Variants in ORC4 observed in about 807,000 individuals in gnomAD.
ORC4 encodes origin recognition complex, subunit 4 homolog.
Under a neutral mutation model 63.9 loss-of-function variants are expected in ORC4, and 55 were observed. The observed-to-expected ratio is 0.86, with a 90% CI of 0.69 to 1.08. The LOEUF is 1.08. ORC4 is among the 50% of genes least tolerant of loss of function. ORC4 has a pLI of 0.00. For missense variants in ORC4, 511 were observed against 504.4 expected (o/e 1.01, Z -0.13); for synonymous variants, 150 against 168.5 (o/e 0.89, Z 0.85).
At chr2:147,957,856 G>C (rs1198262914) in intron 6 of ORC4, among the ~76,000 whole-genome samples, 1 of 152,102 alleles carries the variant, frequency 6.6e-6, no homozygotes, top group Non-Finnish European at 1.5e-5. Context: ...GGCAGTCAAA[G>C]GGTTGTAAGG....
chr2:147,949,352 A>C (rs1016203396), intron 8 of ORC4, among the ~76,000 whole-genome samples: 6 of 152,136 alleles, frequency 3.9e-5, no homozygotes, highest in African/African-American at 1.4e-4. Context: ...ACACAAAACT[A>C]TACGTTGTAT....
intron 1 of ORC4, among the ~76,000 whole-genome samples, chr2:148,001,252 C>T (rs1182701514): frequency 6.6e-6 from 1 of 152,048 alleles, no homozygotes; most frequent in Non-Finnish European, 1.5e-5. Context: ...AAAACTTAAG[C>T]ATGTGTTCTT....
Position 147,940,421 on chromosome 2 carries a change from G to A in ORC4, c.850-1173C>T, listed in dbSNP as rs146933163. Reference sequence around the variant, plus strand: ...CCCACTACAGGGCATCTACCCAGAGGAAAAGAAGTTATTATTTGAAAAAGA... The same window carrying A: ...CCCACTACAGGGCATCTACCCAGAGAAAAAGAAGTTATTATTTGAAAAAGA... On this transcript the variant is annotated intron_variant, in intron 10 of 13. Coordinates refer to ENST00000392857, the MANE Select transcript of ORC4 (RefSeq NM_181741.4). 8.5e-5 allele frequency among the ~76,000 whole-genome samples: 13 copies of A among 152,106 alleles called. No individual in the cohort carries two copies. The East Asian group carries it at 2.1e-3, about 25-fold the overall frequency.
intron 6 of ORC4, among the ~76,000 whole-genome samples, chr2:147,957,704 G>A (rs986948443): frequency 3.9e-5 from 6 of 152,072 alleles, no homozygotes; most frequent in Non-Finnish European, 7.4e-5. Flanking sequence ...TTACCATCCA[G>A]CAAATTATTT....
intron 1 of ORC4, among the ~76,000 whole-genome samples, chr2:147,985,758 T>G: frequency 6.6e-6 from 1 of 152,172 alleles, no homozygotes; most frequent in Non-Finnish European, 1.5e-5. Context: ...CAGTCCTTCA[T>G]GTCAAATTTG....
chr2:147,943,499 C>T lies in ORC4; in HGVS notation c.786G>A (p.Val262=). Residue 262 remains valine, a synonymous_variant, in exon 10 of 14, where the codon GTG becomes GTA. Transcript: ENST00000392857. ...NVQYLSEDRS[V]QEVLQKHFNI... ...TGAAATGCTTCTGTAGTACTTCTTG[C>T]ACACTTCTATCTTCTGAGAGATACT... The T allele has an allele frequency of 6.4e-7, 1 of 1,554,858 alleles. No individual in the cohort carries two copies. The highest frequency in any genetic ancestry group is 8.9e-7 in the Non-Finnish European group (1 of 1,128,378).
intron 8 of ORC4, among the ~76,000 whole-genome samples, chr2:147,951,885 T>A (rs1230945335): frequency 6.6e-6 from 1 of 152,218 alleles, no homozygotes; most frequent in Non-Finnish European, 1.5e-5. Context: ...ATAGTTAAAA[T>A]CATTCTAAAA....
chr2:147,938,572 T>C, intron 11 of ORC4, 179 bp from the exon 12 acceptor site: 1 of 566,536 alleles, frequency 1.8e-6, no homozygotes, highest in Non-Finnish European at 3.1e-6. Flanking sequence ...TTAACCTCCC[T>C]GAGCTTAGTT....
intron 1 of ORC4, among the ~76,000 whole-genome samples, chr2:147,983,215 G>A (rs1012754805): frequency 2.0e-5 from 3 of 152,074 alleles, no homozygotes; most frequent in Non-Finnish European, 4.4e-5. Flanking sequence ...TTGCACTCTT[G>A]GGTACTTACC....
chr2:148,015,030 T>A (rs1363865758), intron 1 of ORC4, among the ~76,000 whole-genome samples: 1 of 151,168 alleles, frequency 6.6e-6, no homozygotes, highest in African/African-American at 2.4e-5. Flanking sequence ...GATCTAATAA[T>A]CTCGATGAAT....
At chr2:147,970,894 G>A (rs1296072525) in intron 4 of ORC4, among the ~76,000 whole-genome samples, 2 of 152,050 alleles carry the variant, frequency 1.3e-5, no homozygotes. Flanking sequence ...CAGCACTTTG[G>A]AAAGCTAAGG....
chr2:147,938,155 A>C lies in ORC4; in HGVS notation c.1113T>G (p.Val371=), dbSNP rs778084474. 3 of 1,608,454 alleles carry C rather than the reference A, an allele frequency of 1.9e-6. No individual in the cohort carries two copies. The highest frequency in any genetic ancestry group is 2.6e-6 in the Non-Finnish European group (3 of 1,175,402). ...GCAAACTAAATCTTACCTTCATGACAACAGGTTTTTCAAAATTATAAACGG... is the reference window on the plus strand; with the variant it reads ...GCAAACTAAATCTTACCTTCATGACCACAGGTTTTTCAAAATTATAAACGG... ...AHSVYNFEKP[V]VMKAFEHLQQ... is the part of the protein sequence containing the mutation. The change falls in exon 13 of 14, where the codon GTT becomes GTG. Residue 371 remains valine (V), a synonymous_variant. Coordinates refer to ENST00000392857, the MANE Select transcript of ORC4 (RefSeq NM_181741.4).
At chr2:147,998,088 TAAAC>T (rs1293406223) in intron 1 of ORC4, among the ~76,000 whole-genome samples, 1 of 152,098 alleles carries the variant, frequency 6.6e-6, no homozygotes, top group African/African-American at 2.4e-5. Flanking sequence ...GACTGAGACA[TAAAC>T]AAACCATACA....
chr2:147,999,693 A>G (rs901790365), intron 1 of ORC4, among the ~76,000 whole-genome samples: 2 of 152,166 alleles, frequency 1.3e-5, no homozygotes, highest in African/African-American at 4.8e-5. Flanking sequence ...TCCAAACTTA[A>G]AGATAATGAC....
chr2:148,006,613 T>G (rs954249569), intron 1 of ORC4, among the ~76,000 whole-genome samples: 4 of 152,208 alleles, frequency 2.6e-5, no homozygotes, highest in African/African-American at 9.6e-5. Context: ...AAAGACAGAT[T>G]TCTGAAGCTT....
At chr2:148,000,201 T>C (rs1170649815) in intron 1 of ORC4, among the ~76,000 whole-genome samples, 1 of 151,996 alleles carries the variant, frequency 6.6e-6, no homozygotes, top group Non-Finnish European at 1.5e-5. Flanking sequence ...GGACACAAAT[T>C]GTCAGACTGA....
chr2:147,939,075 AC>A, intron 11 of ORC4, 64 bp downstream of exon 11: 3 of 958,370 alleles, frequency 3.1e-6, no homozygotes, highest in Non-Finnish European at 5.1e-6. Flanking sequence ...AATTTTAAAA[AC>A]ATTCCATTAT....
At chr2:147,987,211 T>C (rs1396435968) in intron 1 of ORC4, among the ~76,000 whole-genome samples, 2 of 151,390 alleles carry the variant, frequency 1.3e-5, no homozygotes, top group Non-Finnish European at 2.9e-5. Context: ...CTCTTGGGTT[T>C]AATAAATATC....
intron 4 of ORC4, among the ~76,000 whole-genome samples, chr2:147,961,085 G>C (rs945758792): frequency 1.3e-5 from 2 of 152,016 alleles, no homozygotes; most frequent in African/African-American, 4.8e-5. Context: ...GTTAGGATTA[G>C]GGGTTAAAAC....
Sources: allele counts gnomAD v4.1 joint callset (sites outside exome capture counted in the v4.1 genomes callset), GRCh38; gene constraint gnomAD v4.1.1; transcripts MANE v1.5; gene names NCBI Gene and HGNC (gene_info 2026-07-23, HGNC 2026-07-21).